The following SYNDIG1 variants were observed in gnomAD, a reference collection of about 807,000 sequenced individuals.
SYNDIG1 encodes the protein synapse differentiation inducing 1, also known as synapse differentiation-inducing gene protein 1.
Under a neutral mutation model 19.4 loss-of-function variants are expected in SYNDIG1, and 9 were observed. The ratio of observed to expected loss-of-function variants is 0.46; its 90% CI spans 0.28 to 0.81. The LOEUF is 0.81. SYNDIG1 is among the 30% of genes least tolerant of loss of function. The pLI is 0.12. For missense variants in SYNDIG1, 311 were observed against 343.3 expected (o/e 0.91, Z 0.74); for synonymous variants, 141 against 145.9 (o/e 0.97, Z 0.24).
intron 2 of SYNDIG1, among the ~76,000 whole-genome samples, chr20:24,547,650 A>G (rs894505801): frequency 1.3e-5 from 2 of 152,186 alleles, no homozygotes; most frequent in African/African-American, 4.8e-5. Flanking sequence ...GATGTCCGAC[A>G]GCCCAGGCCT....
chr20:24,510,223 G>A (rs1481284857), intron 1 of SYNDIG1, among the ~76,000 whole-genome samples: 1 of 152,124 alleles, frequency 6.6e-6, no homozygotes, highest in African/African-American at 2.4e-5. Context: ...TTCTGTTGCT[G>A]TTGTTGAGAA....
At chr20:24,593,492 T>G (rs1600704612) in intron 3 of SYNDIG1, among the ~76,000 whole-genome samples, 1 of 152,324 alleles carries the variant, frequency 6.6e-6, no homozygotes, top group East Asian at 1.9e-4. Context: ...AGTGCTATGA[T>G]GAACATATGC....
chr20:24,616,636 T>A (rs1363452477), intron 3 of SYNDIG1, among the ~76,000 whole-genome samples: 1 of 152,192 alleles, frequency 6.6e-6, no homozygotes, highest in African/African-American at 2.4e-5. Context: ...AGGAGGCCCC[T>A]GCAAGGCGGA....
At chr20:24,634,477 G>A (rs1055376858) in intron 3 of SYNDIG1, among the ~76,000 whole-genome samples, 36 of 152,236 alleles carry the variant, frequency 2.4e-4, no homozygotes, top group African/African-American at 8.4e-4. Context: ...CCAGAAGTCC[G>A]TACCAGTTTT....
Position 24,504,809 on chromosome 20 carries a change from C to T in SYNDIG1, c.-79+35056C>T, listed in dbSNP as rs6049743. Among the ~76,000 whole-genome samples the T allele has an allele frequency of 1.3e-3, 200 of 152,222 alleles. 5 individuals are homozygous for T. The highest frequency in any genetic ancestry group is 4.5e-3 in the African/African-American group (189 of 41,544). ...ACGCAAAAGCCTTTGGTCTGTGCCCCGGGAGCTGGGTCACTGAAGAATTCC... is the reference window on the plus strand; with the variant it reads ...ACGCAAAAGCCTTTGGTCTGTGCCCTGGGAGCTGGGTCACTGAAGAATTCC... On this transcript the variant is annotated intron_variant, in intron 1 of 3. Coordinates refer to ENST00000376862, the MANE Select transcript of SYNDIG1 (RefSeq NM_024893.3).
intron 1 of SYNDIG1, among the ~76,000 whole-genome samples, chr20:24,517,967 G>A (rs551615964): frequency 6.6e-6 from 1 of 150,910 alleles, no homozygotes; most frequent in South Asian, 2.1e-4. Context: ...CAACACACCC[G>A]GCTAATTTTT....
chr20:24,553,794 T>C (rs1319902279), intron 2 of SYNDIG1, among the ~76,000 whole-genome samples: 1 of 152,236 alleles, frequency 6.6e-6, no homozygotes, highest in African/African-American at 2.4e-5. Context: ...CAATGCGGGC[T>C]CTTTTTTGGT....
chr20:24,489,819 C>T lies in SYNDIG1; in HGVS notation c.-79+20066C>T, dbSNP rs116431729. Among the ~76,000 whole-genome samples, 731 of 152,366 alleles carry T rather than the reference C, an allele frequency of 4.8e-3. 7 individuals carry two copies. Among genetic ancestry groups the T allele is most frequent in the African/African-American group, 0.017 (700 of 41,578 alleles). On this transcript the variant is annotated intron_variant, in intron 1 of 3. Coordinates refer to ENST00000376862, the MANE Select transcript of SYNDIG1 (RefSeq NM_024893.3). ...ACAGTGTGCGGTTCAGGGACAGACTCGAGCAGCAAGTCAAGAACCAGAAGT... is the reference window on the plus strand; with the variant it reads ...ACAGTGTGCGGTTCAGGGACAGACTTGAGCAGCAAGTCAAGAACCAGAAGT...
At chr20:24,486,117 G>A (rs575610985) in intron 1 of SYNDIG1, among the ~76,000 whole-genome samples, 39 of 152,356 alleles carry the variant, frequency 2.6e-4, no homozygotes, top group African/African-American at 9.4e-4. Context: ...CTCAGTGACA[G>A]GCGTGCCAAG....
Position 24,659,290 on chromosome 20 carries a change from G to A in SYNDIG1, c.619-6056G>A, listed in dbSNP as rs563605766. On this transcript the variant is annotated intron_variant, in intron 3 of 3. Coordinates refer to ENST00000376862, the MANE Select transcript of SYNDIG1 (RefSeq NM_024893.3). Reference sequence around the variant, plus strand: ...CAGTGACTACCGGCCATGATTTGGGGCCTGCCTGCATGGGGTTCTGCCCAT... The same window carrying A: ...CAGTGACTACCGGCCATGATTTGGGACCTGCCTGCATGGGGTTCTGCCCAT... 8.3e-4 allele frequency among the ~76,000 whole-genome samples: 126 copies of A among 152,344 alleles called. No individual in the cohort carries two copies. The Middle Eastern group carries it at 0.027, about 33-fold the overall frequency.
At chr20:24,495,542 T>G (rs182672322) in intron 1 of SYNDIG1, 2 of 152,396 alleles carry the variant, frequency 1.3e-5, no homozygotes, top group African/African-American at 4.8e-5. Context: ...GATCCACCTT[T>G]CCCTGAGATG....
chr20:24,539,381 C>A (rs1028834495), intron 1 of SYNDIG1, among the ~76,000 whole-genome samples: 2 of 152,162 alleles, frequency 1.3e-5, no homozygotes, highest in South Asian at 2.1e-4. Context: ...GGTGTTGGCA[C>A]CCTTGTTAAA....
At chr20:24,623,062 T>C (rs973142600) in intron 3 of SYNDIG1, among the ~76,000 whole-genome samples, 2 of 152,008 alleles carry the variant, frequency 1.3e-5, no homozygotes, top group Admixed American at 6.6e-5. Context: ...CTCTGTAATC[T>C]GAGCTACTCG....
At chr20:24,625,666 G>A (rs57409730) in intron 3 of SYNDIG1, among the ~76,000 whole-genome samples, 23,715 of 150,082 alleles carry the variant, frequency 0.16, 1,254 homozygotes, top group African/African-American at 0.22. Flanking sequence ...GTTTCAGAGA[G>A]CACAGGGTTG....
chr20:24,557,566 T>G (rs2057847611), intron 2 of SYNDIG1, among the ~76,000 whole-genome samples: 2 of 152,166 alleles, frequency 1.3e-5, no homozygotes, highest in Admixed American at 1.3e-4. Context: ...TTGCTAGAGG[T>G]CCACTCCAGA....
chr20:24,476,538 C>T (rs1014685290), intron 1 of SYNDIG1, among the ~76,000 whole-genome samples: 7 of 151,856 alleles, frequency 4.6e-5, no homozygotes, highest in African/African-American at 7.3e-5. Flanking sequence ...GACGTGGTGG[C>T]GGGCACCTGT....
chr20:24,502,834 A>C (rs974839306), intron 1 of SYNDIG1, among the ~76,000 whole-genome samples: 1 of 152,268 alleles, frequency 6.6e-6, no homozygotes, highest in Non-Finnish European at 1.5e-5. Flanking sequence ...GAAGAAGAGA[A>C]GAGTGACAGT....
At chr20:24,544,270 G>A (rs1458027194) in intron 2 of SYNDIG1, among the ~76,000 whole-genome samples, 2 of 152,202 alleles carry the variant, frequency 1.3e-5, no homozygotes, top group Non-Finnish European at 2.9e-5. Context: ...GTGAGAGGGT[G>A]AGAGCAGCTG....
At chr20:24,616,622 C>G (rs1028359248) in intron 3 of SYNDIG1, among the ~76,000 whole-genome samples, 10 of 152,212 alleles carry the variant, frequency 6.6e-5, no homozygotes, top group African/African-American at 2.4e-4. Context: ...CAGGAGAAGG[C>G]GCAAGGAGGC....
Sources: allele counts gnomAD v4.1 joint callset (sites outside exome capture counted in the v4.1 genomes callset), GRCh38; gene constraint gnomAD v4.1.1; transcripts MANE v1.5; gene names NCBI Gene and HGNC (gene_info 2026-07-23, HGNC 2026-07-21).